The following PACRGL variants were observed in gnomAD, a reference collection of about 807,000 sequenced individuals.
The protein encoded by PACRGL is parkin coregulated like.
Under a neutral mutation model 34.5 loss-of-function variants are expected in PACRGL, and 38 were observed. The observed-to-expected ratio is 1.10, with a 90% confidence interval of 0.85 to 1.44. The LOEUF is 1.44. Ranked by LOEUF, PACRGL falls within the 40% of genes most tolerant of loss-of-function variation. The pLI, the probability that PACRGL is intolerant of heterozygous loss-of-function variation, is 0.00. For missense variants in PACRGL, 305 were observed against 281.4 expected (o/e 1.08, Z -0.60); for synonymous variants, 128 against 100.1 (o/e 1.28, Z -1.66).
chr4:20,716,110 C>T, intron 7 of PACRGL: 3 of 1,526,250 alleles, frequency 2.0e-6, no homozygotes, highest in South Asian at 2.4e-5. Context: ...TTACTAGGAC[C>T]CTGTGCAGCT....
At chr4:20,723,512 T>C (rs1744337346) in intron 7 of PACRGL, among the ~76,000 whole-genome samples, 1 of 150,308 alleles carries the variant, frequency 6.7e-6, no homozygotes, top group African/African-American at 2.5e-5. Context: ...TGGGATGGAG[T>C]CAAAGGGATG....
In PACRGL at chr4:20,732,553, C is replaced by A. The variant is rs6811933; in HGVS notation, c.*5212C>A. ...CCAAAGCTATTAAATTAATAGGATG[C>A]TAAATACTGTTTTGTTTCAGTAAAA... On this transcript the variant is annotated 3_prime_UTR_variant, in exon 9 of 9. Transcript: ENST00000503585. The A allele has an allele frequency of 1.6e-5, 11 of 681,846 alleles. No homozygotes were observed. Among genetic ancestry groups the A allele is most frequent in the Non-Finnish European group, 2.6e-5 (10 of 383,560 alleles). The allele number at this position is 681,846 out of a possible 1,614,324, so 42.2% of individuals were successfully genotyped here. A position where few individuals can be genotyped will look rare whatever the true frequency, so the allele number is the denominator to read the frequency against.
intron 8 of PACRGL, among the ~76,000 whole-genome samples, chr4:20,739,791 T>C (rs937048475): frequency 6.6e-6 from 1 of 151,922 alleles, no homozygotes; most frequent in African/African-American, 2.4e-5. Flanking sequence ...ATAACAAACT[T>C]CTCCGAACTA....
Position 20,730,812 on chromosome 4 carries a change from A to C in PACRGL, c.*3471A>C, listed in dbSNP as rs1034641897. On this transcript the variant is annotated 3_prime_UTR_variant, in exon 9 of 9. Transcript: ENST00000503585. ...TTTGGGCATTATTGGAGCACTTGTC[A>C]GTTGCATGTGAATAGCACTTACTGA... Among the ~76,000 whole-genome samples, 1 of 152,192 alleles carries C rather than the reference A, an allele frequency of 6.6e-6. No individual in the cohort carries two copies. The highest frequency in any genetic ancestry group is 1.5e-5 in the Non-Finnish European group (1 of 68,034).
At chr4:20,756,032 A>G (rs1448074131), downstream of PACRGL, among the ~76,000 whole-genome samples, 3 of 152,156 alleles carry the variant, frequency 2.0e-5, no homozygotes, top group Non-Finnish European at 4.4e-5. Flanking sequence ...ATTTGCTTGC[A>G]TTTTAACGGG....
At chr4:20,735,911 G>A (rs78265719), downstream of PACRGL, among the ~76,000 whole-genome samples, 122 of 152,278 alleles carry the variant, frequency 8.0e-4, 2 homozygotes, top group East Asian at 6.4e-3. Flanking sequence ...TTTTAGGTAG[G>A]AATGAAAGCA....
chr4:20,726,708 A>G (rs1385765187), intron 8 of PACRGL, among the ~76,000 whole-genome samples: 1 of 152,230 alleles, frequency 6.6e-6, no homozygotes, highest in African/African-American at 2.4e-5. Context: ...TTTTGGATAC[A>G]GGAAAATATC....
chr4:20,734,832 C>G (rs149194931), downstream of PACRGL: 8 of 591,388 alleles, frequency 1.4e-5, no homozygotes, highest in Admixed American at 3.3e-5. Flanking sequence ...CCCTCTGGAT[C>G]TTGAACATTT....
chr4:20,741,193 C>A (rs1488037988), intron 8 of PACRGL, among the ~76,000 whole-genome samples: 1 of 152,140 alleles, frequency 6.6e-6, no homozygotes, highest in Non-Finnish European at 1.5e-5. Flanking sequence ...ATATCCAGGA[C>A]TTGAACTCAG....
intron 8 of PACRGL, among the ~76,000 whole-genome samples, chr4:20,739,350 C>T (rs1396222913): frequency 6.6e-6 from 1 of 152,152 alleles, no homozygotes; most frequent in African/African-American, 2.4e-5. Flanking sequence ...AGACTGACAC[C>T]TCATACAGCC....
At chr4:20,719,635 C>T (rs1179436351) in intron 7 of PACRGL, among the ~76,000 whole-genome samples, 3 of 152,112 alleles carry the variant, frequency 2.0e-5, no homozygotes, top group East Asian at 1.9e-4. Context: ...TGTAGTTGAG[C>T]GGTTTTGAGT....
intron 5 of PACRGL, chr4:20,709,975 C>T (rs1736359737): frequency 2.1e-6 from 1 of 481,986 alleles, no homozygotes; most frequent in Non-Finnish European, 3.7e-6. Flanking sequence ...GCTTTATAAA[C>T]ATGGAATTAG....
At chr4:20,701,868 T>A (rs1254381077) in intron 1 of PACRGL, 4 of 456,448 alleles carry the variant, frequency 8.8e-6, no homozygotes, top group South Asian at 4.6e-5. Context: ...GAGAGCCAAC[T>A]GTAATTTGTC....
chr4:20,751,770 A>G (rs1753680606), intron 8 of PACRGL, among the ~76,000 whole-genome samples: 5 of 152,152 alleles, frequency 3.3e-5, no homozygotes, highest in Admixed American at 2.0e-4. Flanking sequence ...TTAAAGCTTG[A>G]TATGTGGGAA....
intron 7 of PACRGL, among the ~76,000 whole-genome samples, chr4:20,720,734 C>T (rs1742668524): frequency 6.6e-6 from 1 of 152,120 alleles, no homozygotes; most frequent in African/African-American, 2.4e-5. Context: ...GTAACCCAGC[C>T]TTTCCTTCTG....
At chr4:20,721,299 T>C (rs7674453) in intron 7 of PACRGL, among the ~76,000 whole-genome samples, 49,278 of 151,994 alleles carry the variant, frequency 0.32, 8,438 homozygotes, top group African/African-American at 0.43. Context: ...AAAAGTTTGA[T>C]CGTCTGAAGC....
chr4:20,704,663 A>G lies in PACRGL; in HGVS notation c.56A>G (p.Asn19Ser). ...TTGATGTTCTGTTTTTTTCCAGGTA[A>G]CTATGATCAAAGGACATCATCAAGC... ...GTQLKNRATG[N>S]YDQRTSSSTQ... The change falls in exon 3 of 9, where the codon AAC (asparagine) becomes AGC (serine). Residue 19 changes from asparagine (N) to serine (S), a missense_variant. Asn to Ser is a conservative substitution (Grantham distance 46, BLOSUM62 1). Transcript: ENST00000503585. 4 of 1,614,030 alleles carry G rather than the reference A, an allele frequency of 2.5e-6. No homozygotes were observed. Among genetic ancestry groups the G allele is most frequent in the Non-Finnish European group, 3.4e-6 (4 of 1,179,966 alleles).
intron 6 of PACRGL, 92 bp downstream of exon 6, chr4:20,713,014 C>G: frequency 1.6e-6 from 2 of 1,281,706 alleles, no homozygotes; most frequent in East Asian, 2.5e-5. Flanking sequence ...CTTTTTCCCT[C>G]CATATTATAT....
chr4:20,730,152 G>A lies in PACRGL; in HGVS notation c.*2811G>A, dbSNP rs759116590. 1.0e-5 allele frequency: 16 copies of A among 1,590,132 alleles called. No homozygotes were observed. The highest frequency in any genetic ancestry group is 2.3e-5 in the South Asian group (2 of 86,644). ...ATCCTGTAAGGGAGAAACACAGAGC[G>A]ATTAAATTCAGCATATCTGCAAGGA... On this transcript the variant is annotated 3_prime_UTR_variant, in exon 9 of 9. Transcript: ENST00000503585.
Sources: gnomAD v4.1 joint callset for allele counts (sites outside exome capture counted in the v4.1 genomes callset) on GRCh38, gnomAD v4.1.1 for gene constraint, MANE v1.5 for transcripts, NCBI Gene and HGNC (gene_info 2026-07-23, HGNC 2026-07-21) for gene names.